Variants in MPDZ observed in about 807,000 individuals in gnomAD.
MPDZ encodes multiple PDZ domain protein.
Under a neutral mutation model 239.1 loss-of-function variants are expected in MPDZ, and 234 were observed. The ratio of observed to expected loss-of-function variants is 0.98; its 90% CI spans 0.88 to 1.09. MPDZ has a LOEUF of 1.09. Among genes scored for constraint, MPDZ ranks in the 50% least tolerant of loss-of-function variants. The pLI is 0.00. For synonymous variants in MPDZ, 1,048 were observed against 881.3 expected (o/e 1.19, Z -3.35); for missense variants, 3,175 against 2,510.0 (o/e 1.26, Z -5.66).
In MPDZ at chr9:13,143,215, G is replaced by T. The variant is rs539403885; in HGVS notation, c.3840+251C>A. Among the ~76,000 whole-genome samples the T allele has an allele frequency of 2.0e-5, 3 of 152,132 alleles. No individual in the cohort carries two copies. The South Asian group carries it at 6.2e-4, about 32-fold the overall frequency. ...TAAATGACACCAAAATGAAAGAAAGGCACTGGACTCATGATTCTCCCTTAC... is the reference window on the plus strand; with the variant it reads ...TAAATGACACCAAAATGAAAGAAAGTCACTGGACTCATGATTCTCCCTTAC... On this transcript the variant is annotated intron_variant, in intron 27 of 46. Coordinates refer to ENST00000319217, the MANE Select transcript of MPDZ (RefSeq NM_001378778.1).
chr9:13,240,298 C>A (rs1280436934), intron 3 of MPDZ, among the ~76,000 whole-genome samples: 1 of 151,850 alleles, frequency 6.6e-6, no homozygotes, highest in African/African-American at 2.4e-5. Context: ...TCTCTCCATT[C>A]CACTATTATC....
chr9:13,217,436 C>T (rs1431507478), intron 8 of MPDZ, 142 bp from the exon 9 acceptor site: 1 of 594,824 alleles, frequency 1.7e-6, no homozygotes, highest in South Asian at 2.3e-5. Context: ...ATAGCAGAGA[C>T]GATTCCTTTA....
chr9:13,248,377 A>C (rs1966892744), intron 2 of MPDZ, among the ~76,000 whole-genome samples: 1 of 152,148 alleles, frequency 6.6e-6, no homozygotes, highest in African/African-American at 2.4e-5. Context: ...AAACCAAATC[A>C]ATTCAAATAA....
intron 7 of MPDZ, among the ~76,000 whole-genome samples, chr9:13,221,115 C>G (rs536299852): frequency 2.0e-5 from 3 of 151,934 alleles, no homozygotes; most frequent in Non-Finnish European, 2.9e-5. Flanking sequence ...AATCCATAAC[C>G]TTGGCTTTAG....
At chr9:13,226,865 A>AT (rs1475724365) in intron 3 of MPDZ, among the ~76,000 whole-genome samples, 1 of 152,088 alleles carries the variant, frequency 6.6e-6, no homozygotes, top group African/African-American at 2.4e-5. Context: ...ATGTTTATCT[A>AT]TTTTTTAAGG....
rs1391597079 is a variant in MPDZ, at chr9:13,237,422, A to C, written c.183+10213T>G. ...ACTGCACTCCAGCCCAGTCTACGTG[A>C]CAGAGCAAGACACTGTCTCAAAAAA... On this transcript the variant is annotated intron_variant, in intron 3 of 46. Coordinates refer to ENST00000319217, the MANE Select transcript of MPDZ (RefSeq NM_001378778.1). Among the ~76,000 whole-genome samples, 3 of 133,170 alleles carry C rather than the reference A, an allele frequency of 2.3e-5. No individual in the cohort carries two copies. In the Admixed American group the frequency reaches 2.5e-4, roughly 11 times the overall value. The allele number at this position is 133,170 out of a possible 152,430, so 87.4% of individuals were successfully genotyped here.
rs186668279 is a variant in MPDZ, at chr9:13,161,145, C to T, written c.3359+1546G>A. ...CTTTATTAAACAAATAACATACCTT[C>T]CCCTTCCCTGACACTTTCTGTATTC... On this transcript the variant is annotated intron_variant, in intron 23 of 46. Coordinates refer to ENST00000319217, the MANE Select transcript of MPDZ (RefSeq NM_001378778.1). 4.6e-5 allele frequency among the ~76,000 whole-genome samples: 7 copies of T among 151,916 alleles called. No individual in the cohort carries two copies. In the East Asian group the frequency reaches 1.4e-3, roughly 30 times the overall value.
At chr9:13,159,506 G>A (rs558505445) in intron 23 of MPDZ, among the ~76,000 whole-genome samples, 1 of 152,144 alleles carries the variant, frequency 6.6e-6, no homozygotes, top group Admixed American at 6.6e-5. Flanking sequence ...AAGGCAGAGA[G>A]GTAAAAATTA....
chr9:13,148,485 T>C (rs967036140), intron 25 of MPDZ, among the ~76,000 whole-genome samples: 20 of 152,122 alleles, frequency 1.3e-4, no homozygotes, highest in African/African-American at 4.8e-4. Context: ...CATTATTAGA[T>C]CTTTGCATAG....
intron 12 of MPDZ, among the ~76,000 whole-genome samples, chr9:13,201,164 A>T (rs916826312): frequency 2.6e-5 from 4 of 151,960 alleles, no homozygotes; most frequent in Non-Finnish European, 5.9e-5. Flanking sequence ...TCATTAAATA[A>T]TGACCTTGTC....
At chr9:13,146,513 C>T (rs1357745042) in intron 26 of MPDZ, among the ~76,000 whole-genome samples, 1 of 151,990 alleles carries the variant, frequency 6.6e-6, no homozygotes, top group East Asian at 1.9e-4. Context: ...CGTTCAACTT[C>T]CCTCACATAT....
intron 12 of MPDZ, among the ~76,000 whole-genome samples, chr9:13,204,408 C>G (rs534562699): frequency 2.0e-5 from 3 of 151,900 alleles, no homozygotes; most frequent in Admixed American, 2.0e-4. Context: ...GCCAACATGG[C>G]GAAATCTGTC....
Position 13,112,058 on chromosome 9 carries a change from G to C in MPDZ, c.5690C>G (p.Pro1897Arg), listed in dbSNP as rs1472792525. The C allele has an allele frequency of 6.2e-7, 1 of 1,613,632 alleles. No homozygotes were observed. The highest frequency in any genetic ancestry group is 1.3e-5 in the African/African-American group (1 of 75,034). ...TTGGGTCTGTGCTGCAACTCCAGTTGGGTGCATCATTGCAATAAATATAGG... is the reference window on the plus strand; with the variant it reads ...TTGGGTCTGTGCTGCAACTCCAGTTCGGTGCATCATTGCAATAAATATAGG... ...DVPIFIAMMHPTGVAAQTQKL... is the reference protein window; with the variant it reads ...DVPIFIAMMHRTGVAAQTQKL... The change falls in exon 43 of 47, where the codon CCA becomes CGA. Residue 1897 changes from proline to arginine, a missense_variant. Pro to Arg is a moderately radical substitution (Grantham distance 103). Transcript: ENST00000319217.
At chr9:13,227,487 C>T (rs1961004736) in intron 3 of MPDZ, among the ~76,000 whole-genome samples, 1 of 151,888 alleles carries the variant, frequency 6.6e-6, no homozygotes, top group Admixed American at 6.6e-5. Context: ...CTGAGGATCC[C>T]ACACACCAAG....
chr9:13,261,471 C>G (rs942914765), intron 1 of MPDZ, among the ~76,000 whole-genome samples: 1 of 152,024 alleles, frequency 6.6e-6, no homozygotes, highest in Non-Finnish European at 1.5e-5. Flanking sequence ...AAAACCCTCT[C>G]AAATACCCTT....
At chr9:13,140,733 T>C (rs185987722) in intron 27 of MPDZ, 4 of 152,140 alleles carry the variant, frequency 2.6e-5, no homozygotes, top group Admixed American at 2.6e-4. Context: ...GGGTAAGATT[T>C]GAGGCATCTA....
chr9:13,245,903 T>G (rs1192131292), intron 3 of MPDZ, among the ~76,000 whole-genome samples: 1 of 152,212 alleles, frequency 6.6e-6, no homozygotes, highest in African/African-American at 2.4e-5. Context: ...ACATTAAGAC[T>G]GTCTACAACG....
intron 32 of MPDZ, among the ~76,000 whole-genome samples, chr9:13,133,195 G>C (rs182610459): frequency 6.6e-6 from 1 of 152,270 alleles, no homozygotes; most frequent in East Asian, 1.9e-4. Flanking sequence ...GCAGAAATCA[G>C]AAAGGGAAAG....
In MPDZ at chr9:13,247,591, C is replaced by G. The variant is rs768898878; in HGVS notation, c.183+44G>C. 1.9e-6 allele frequency: 3 copies of G among 1,569,650 alleles called. No homozygotes were observed. The South Asian group carries it at 3.5e-5, about 18-fold the overall frequency. ...GAAAAACACAAGCCTTTCACAAGAT[C>G]TATGCCATGTCGTGAATGCCTGCTT... On this transcript the variant is annotated intron_variant, in intron 3 of 46. Transcript: ENST00000319217.
Sources: allele counts gnomAD v4.1 joint callset (sites outside exome capture counted in the v4.1 genomes callset), GRCh38; gene constraint gnomAD v4.1.1; transcripts MANE v1.5; gene names NCBI Gene and HGNC (gene_info 2026-07-23, HGNC 2026-07-21).